The following TOGARAM2 variants were observed in gnomAD, a reference collection of about 807,000 sequenced individuals.
The protein encoded by TOGARAM2 is TOG array regulator of axonemal microtubules 2.
In TOGARAM2, 85 loss-of-function variants were observed where a neutral mutation model predicts 93.3. That is an observed-to-expected ratio of 0.91 (90% confidence interval 0.76 to 1.09). The LOEUF is 1.09. Ranked by LOEUF, TOGARAM2 falls within the 50% of genes least tolerant of loss-of-function variation. The pLI is 0.00. For synonymous variants in TOGARAM2, 593 were observed against 552.8 expected (o/e 1.07, Z -1.02); for missense variants, 1,277 against 1,334.5 (o/e 0.96, Z 0.67).
intron 16 of TOGARAM2, among the ~76,000 whole-genome samples, chr2:29,034,419 C>T (rs1003850883): frequency 6.6e-6 from 1 of 152,226 alleles, no homozygotes; most frequent in African/African-American, 2.4e-5. Flanking sequence ...CTGTCAGCCC[C>T]GTTGATGTAT....
At chr2:28,978,404 G>A (rs550422292), upstream of TOGARAM2, among the ~76,000 whole-genome samples, 9 of 152,256 alleles carry the variant, frequency 5.9e-5, no homozygotes, top group African/African-American at 2.2e-4. Context: ...GGATGCTCAG[G>A]TCATTTGCAA....
Position 28,969,535 on chromosome 2 carries a change from A to G in TOGARAM2, c.-147+12838A>G, listed in dbSNP as rs1337361667. ...CAATGGGTCATTAACTTTTGTACCT[A>G]TGACATCTTGGAGTACAAGAAGAAA... On this transcript the variant is annotated intron_variant, in intron 1 of 6. Transcript: ENST00000401723. Among the ~76,000 whole-genome samples the G allele has an allele frequency of 2.0e-5, 3 of 152,214 alleles. 1 individual carries two copies. The highest frequency in any genetic ancestry group is 2.9e-5 in the Non-Finnish European group (2 of 68,036).
intron 1 of TOGARAM2, among the ~76,000 whole-genome samples, chr2:28,991,238 C>T (rs193268879): frequency 3.0e-4 from 46 of 152,212 alleles, no homozygotes; most frequent in Admixed American, 2.2e-3. Context: ...CAAGAGGGCC[C>T]GGGGCAGGAT....
At chr2:28,990,992 GTGT>G (rs1672700617) in intron 1 of TOGARAM2, among the ~76,000 whole-genome samples, 2 of 4,644 alleles carry the variant, frequency 4.3e-4, no homozygotes, top group Admixed American at 3.5e-3. Context: ...TGTGTGAAGG[GTGT>G]GTGTGTGTGT....
At chr2:29,034,031 T>C (rs1227465750) in intron 16 of TOGARAM2, among the ~76,000 whole-genome samples, 1 of 152,112 alleles carries the variant, frequency 6.6e-6, no homozygotes, top group Non-Finnish European at 1.5e-5. Flanking sequence ...AGCAGGAGTC[T>C]GATGGTCACG....
intron 1 of TOGARAM2, among the ~76,000 whole-genome samples, chr2:28,961,785 T>G (rs1211921565): frequency 6.6e-6 from 1 of 152,238 alleles, no homozygotes; most frequent in Non-Finnish European, 1.5e-5. Context: ...AGCTTCCCAA[T>G]TAATCCCAAA....
chr2:29,038,796 A>C (rs138410874), intron 18 of TOGARAM2, among the ~76,000 whole-genome samples: 28 of 152,314 alleles, frequency 1.8e-4, no homozygotes, highest in African/African-American at 6.7e-4. Context: ...AGCATGGGCT[A>C]TCTGGGCCTG....
chr2:29,036,942 C>T, intron 18 of TOGARAM2, among the ~76,000 whole-genome samples, 185 bp downstream of exon 18: 1 of 152,124 alleles, frequency 6.6e-6, no homozygotes, highest in East Asian at 1.9e-4. Context: ...TATGTCACAG[C>T]CACCCACACC....
chr2:29,031,175 A>C (rs540015286), intron 14 of TOGARAM2, among the ~76,000 whole-genome samples: 86 of 152,276 alleles, frequency 5.6e-4, no homozygotes, highest in African/African-American at 2.0e-3. Flanking sequence ...TTGTAGTTTT[A>C]AGAGATGGGG....
Position 28,994,846 on chromosome 2 carries a change from T to C in TOGARAM2, c.12T>C (p.Arg4=). 1 of 1,552,602 alleles carries C rather than the reference T, an allele frequency of 6.4e-7. No individual in the cohort carries two copies. Among genetic ancestry groups the C allele is most frequent in the Non-Finnish European group, 8.7e-7 (1 of 1,147,440 alleles). The change falls in exon 2 of 20, where the codon CGT becomes CGC. Residue 4 remains arginine (R), a synonymous_variant. Transcript: ENST00000379558. MGT[R]DDVPEAKVLV... ...TCTCCACCCAGGACATGGGCACCCG[T>C]GACGATGTCCCCGAAGGTAAGGGGC...
At chr2:28,969,228 T>C (rs1377336474) in intron 1 of TOGARAM2, among the ~76,000 whole-genome samples, 1 of 152,214 alleles carries the variant, frequency 6.6e-6, no homozygotes, top group Admixed American at 6.5e-5. Flanking sequence ...CTCTGGGGGA[T>C]TGAAATTTGC....
chr2:29,018,653 C>G (rs961093282), intron 10 of TOGARAM2: 1 of 152,174 alleles, frequency 6.6e-6, no homozygotes, highest in Non-Finnish European at 1.5e-5. Context: ...CAGCTCATCT[C>G]CCTTTTCAAT....
At chr2:28,961,347 A>G (rs1671802643) in intron 1 of TOGARAM2, among the ~76,000 whole-genome samples, 1 of 151,882 alleles carries the variant, frequency 6.6e-6, no homozygotes, top group Non-Finnish European at 1.5e-5. Flanking sequence ...TTAATTTTTA[A>G]TTTTTTTGGA....
At chr2:28,957,087 A>G (rs1390997774) in intron 1 of TOGARAM2, among the ~76,000 whole-genome samples, 2 of 152,046 alleles carry the variant, frequency 1.3e-5, no homozygotes, top group African/African-American at 2.4e-5. Flanking sequence ...CTGGGCCACA[A>G]GAGGGAGACT....
Position 29,003,538 on chromosome 2 carries a change from A to G in TOGARAM2, c.686A>G (p.Gln229Arg). ...CTGCACTGCAATGATGAGAAGATGC[A>G]GAAGTCCCTGGGCGCCATCGTGATC... ...QYLHCNDEKM[Q>R]KSLGAIVIPP... The change falls in exon 6 of 20, where the codon CAG (glutamine) becomes CGG (arginine). Residue 229 changes from glutamine (Q) to arginine (R), a missense_variant. By Grantham distance (43) the Gln-to-Arg change is conservative. Coordinates refer to ENST00000379558, the MANE Select transcript of TOGARAM2 (RefSeq NM_199280.4). The G allele has an allele frequency of 6.3e-7, 1 of 1,591,288 alleles. No homozygotes were observed. Among genetic ancestry groups the G allele is most frequent in the Non-Finnish European group, 8.5e-7 (1 of 1,169,750 alleles).
intron 8 of TOGARAM2, 44 bp downstream of exon 8, chr2:29,014,605 C>A (rs568925285): frequency 1.3e-6 from 2 of 1,543,740 alleles, no homozygotes; most frequent in African/African-American, 1.4e-5. Flanking sequence ...CTGGAGTGGA[C>A]CGCAGGCTGC....
chr2:28,968,898 A>G (rs1671907172), intron 1 of TOGARAM2, among the ~76,000 whole-genome samples: 1 of 150,752 alleles, frequency 6.6e-6, no homozygotes, highest in Non-Finnish European at 1.5e-5. Flanking sequence ...ACTCCCCTGT[A>G]TTACCCTTAA....
intron 1 of TOGARAM2, among the ~76,000 whole-genome samples, chr2:28,986,425 G>A (rs758544326): frequency 5.3e-5 from 8 of 152,176 alleles, no homozygotes; most frequent in Non-Finnish European, 1.2e-4. Context: ...CCTCGGCTGC[G>A]TTGGGCATAA....
At chr2:28,988,334 C>T (rs566851304) in intron 1 of TOGARAM2, among the ~76,000 whole-genome samples, 3 of 152,190 alleles carry the variant, frequency 2.0e-5, no homozygotes, top group African/African-American at 7.2e-5. Flanking sequence ...GCAGCAGACT[C>T]ACCTCCCTCT....
Sources: gnomAD v4.1 joint callset for allele counts (sites outside exome capture counted in the v4.1 genomes callset) on GRCh38, gnomAD v4.1.1 for gene constraint, MANE v1.5 for transcripts, NCBI Gene and HGNC (gene_info 2026-07-23, HGNC 2026-07-21) for gene names.